Variants in SH3BP4 observed in about 807,000 individuals in gnomAD.
SH3BP4 encodes SH3 domain binding protein 4.
Under a neutral mutation model 65.5 loss-of-function variants are expected in SH3BP4, and 33 were observed. The ratio of observed to expected loss-of-function variants is 0.50; its 90% CI spans 0.38 to 0.67. SH3BP4 has a LOEUF of 0.67. SH3BP4 is among the 30% of genes least tolerant of loss of function. The pLI, the probability that SH3BP4 is intolerant of heterozygous loss-of-function variation, is 0.00. For missense variants in SH3BP4, 1,134 were observed against 1,261.4 expected (o/e 0.90, Z 1.53); for synonymous variants, 552 against 545.5 (o/e 1.01, Z -0.17).
Position 235,034,746 on chromosome 2 carries a change from G to A in SH3BP4, c.-132-125G>A, listed in dbSNP as rs1695318115. 1 of 459,124 alleles carries A rather than the reference G, an allele frequency of 2.2e-6. No homozygotes were observed. The highest frequency in any genetic ancestry group is 4.0e-6 in the Non-Finnish European group (1 of 251,656). 28.4% of individuals were successfully genotyped at this position (459,124 alleles called of 1,614,324 possible). A position where few individuals can be genotyped will look rare whatever the true frequency, so the allele number is the denominator to read the frequency against. On this transcript the variant is annotated intron_variant, in intron 2 of 5. Transcript: ENST00000392011. This position sits in a 1 kb window ranked among gnomAD's most constrained non-coding sequence, Gnocchi z 6.2. ...TGCTCTGCTCTGTTGGGCCAGGAAA[G>A]ATGAAATGGGTCTGTCCTCATTAGA...
rs543164187 is a variant in SH3BP4, at chr2:235,028,358, C to T, written c.-132-6513C>T. 3.9e-5 allele frequency among the ~76,000 whole-genome samples: 6 copies of T among 152,170 alleles called. No homozygotes were observed. The South Asian group carries it at 1.0e-3, about 26-fold the overall frequency. ...ACGGTGGTCAAGCTTGTTGGGCTGT[C>T]CAGGTAAACCCGAGGTGCCCACCAA... is the stretch of plus-strand genomic sequence containing the variant. On this transcript the variant is annotated intron_variant, in intron 2 of 5. Transcript: ENST00000392011.
chr2:234,986,369 G>A (rs1389626571), intron 1 of SH3BP4, among the ~76,000 whole-genome samples: 1 of 152,202 alleles, frequency 6.6e-6, no homozygotes, highest in Admixed American at 6.5e-5. Flanking sequence ...AGGTTTATTA[G>A]GGGGACAAAA....
chr2:234,980,726 G>A (rs1411582984), intron 1 of SH3BP4, among the ~76,000 whole-genome samples: 2 of 152,026 alleles, frequency 1.3e-5, no homozygotes, highest in East Asian at 3.9e-4. Context: ...AATATTGTCC[G>A]CCTTTTTTTC....
chr2:234,952,126 G>T lies in SH3BP4; in HGVS notation c.-251G>T. On this transcript the variant is annotated 5_prime_UTR_variant, in exon 1 of 6. Transcript: ENST00000392011. This position sits in a 1 kb window ranked among gnomAD's most constrained non-coding sequence, Gnocchi z 6.5. ...CCCCGGCTGGGCCGAGCCGCTGGCCGACGAGCGGAGCCTCAGGAGCCGGCG... is the reference window on the plus strand; with the variant it reads ...CCCCGGCTGGGCCGAGCCGCTGGCCTACGAGCGGAGCCTCAGGAGCCGGCG... 6.7e-6 allele frequency: 1 copy of T among 149,020 alleles called. No individual in the cohort carries two copies. Among genetic ancestry groups the T allele is most frequent in the South Asian group, 1.8e-4 (1 of 5,512 alleles). 9.2% of individuals were successfully genotyped at this position (149,020 alleles called of 1,614,324 possible).
Position 235,046,746 on chromosome 2 carries a change from GA to G in SH3BP4, c.2478+3501del, listed in dbSNP as rs1695872469. The stretch of plus-strand genomic sequence containing the variant: ...ATGAATGAATGATGGATGAATGAAT[GA>G]ATGATGAATGAATGAATGAATGAAT... On this transcript the variant is annotated intron_variant, in intron 4 of 5. Coordinates refer to ENST00000392011, the MANE Select transcript of SH3BP4 (RefSeq NM_014521.3). This position sits in a 1 kb window ranked among gnomAD's most constrained non-coding sequence, Gnocchi z 4.2. Among the ~76,000 whole-genome samples the G allele has an allele frequency of 1.3e-5, 2 of 148,212 alleles. No individual in the cohort carries two copies. Among genetic ancestry groups the G allele is most frequent in the South Asian group, 2.1e-4 (1 of 4,714 alleles).
At chr2:234,983,855 C>T (rs937624671) in intron 1 of SH3BP4, among the ~76,000 whole-genome samples, 4 of 152,238 alleles carry the variant, frequency 2.6e-5, no homozygotes, top group Non-Finnish European at 5.9e-5. Context: ...CTCACCCCCT[C>T]GGAGCCTCCA....
intron 2 of SH3BP4, among the ~76,000 whole-genome samples, chr2:235,024,501 G>A (rs945555683): frequency 1.3e-5 from 2 of 152,168 alleles, no homozygotes; most frequent in African/African-American, 4.8e-5. Context: ...GACATGGCAT[G>A]TGTGTGTCAC....
At chr2:235,039,922 G>A (rs908621238) in intron 3 of SH3BP4, among the ~76,000 whole-genome samples, 11 of 152,184 alleles carry the variant, frequency 7.2e-5, no homozygotes, top group African/African-American at 2.7e-4. Flanking sequence ...TTTTCATGTT[G>A]TGATTTTGAA....
In SH3BP4 at chr2:235,035,895, G is replaced by A. The variant is rs186851499; in HGVS notation, c.118+775G>A. On this transcript the variant is annotated intron_variant, in intron 3 of 5. Coordinates refer to ENST00000392011, the MANE Select transcript of SH3BP4 (RefSeq NM_014521.3). The surrounding 1 kb of genome is among the most constrained non-coding windows in gnomAD (Gnocchi z 5.0). ...TGCTCCTTTGGGGCTTGGCAGTTGC[G>A]GTGACAGCACCATCATCATCAATAT... is the stretch of plus-strand genomic sequence containing the variant. Among the ~76,000 whole-genome samples, 389 of 152,278 alleles carry A rather than the reference G, an allele frequency of 2.6e-3. 2 individuals are homozygous for A. The highest frequency in any genetic ancestry group is 9.0e-3 in the African/African-American group (374 of 41,570).
rs1214016615 is a variant in SH3BP4 at position 235,006,556 on chromosome 2, AGGGCCTGTGCTCTCAG to A, written c.-133+11198_-133+11213del. Among the ~76,000 whole-genome samples the A allele has an allele frequency of 5.3e-5, 8 of 152,196 alleles. No homozygotes were observed. The South Asian group carries it at 8.3e-4, about 16-fold the overall frequency. On this transcript the variant is annotated intron_variant, in intron 2 of 5. Transcript: ENST00000392011. ...CAGAAGCAGAGGGCCTGTGCTCCCA[AGGGCCTGTGCTCTCAG>A]GGGCCTGTGCTCTCAGGAGTCTGTG...
At chr2:234,969,884 CTG>C (rs1229084928) in intron 1 of SH3BP4, among the ~76,000 whole-genome samples, 2 of 151,822 alleles carry the variant, frequency 1.3e-5, no homozygotes, top group Non-Finnish European at 2.9e-5. Context: ...CACACTCTCG[CTG>C]TCTCTCACAC....
chr2:235,031,692 C>T (rs1164013374), intron 2 of SH3BP4, among the ~76,000 whole-genome samples: 5 of 152,232 alleles, frequency 3.3e-5, no homozygotes, highest in African/African-American at 1.2e-4. Context: ...AGGCCTTCCA[C>T]AGGCCTCTGG....
intron 1 of SH3BP4, chr2:234,979,358 A>C (rs1693278277): frequency 6.6e-6 from 1 of 152,180 alleles, no homozygotes; most frequent in Non-Finnish European, 1.5e-5. Context: ...TGAATTTCGC[A>C]GTTGTCATTC....
rs1205789137 is a variant in SH3BP4, at chr2:235,026,991, C to T, written c.-132-7880C>T. Among the ~76,000 whole-genome samples the T allele has an allele frequency of 6.6e-6, 1 of 152,198 alleles. No homozygotes were observed. Among genetic ancestry groups the T allele is most frequent in the African/African-American group, 2.4e-5 (1 of 41,452 alleles). On this transcript the variant is annotated intron_variant, in intron 2 of 5. Coordinates refer to ENST00000392011, the MANE Select transcript of SH3BP4 (RefSeq NM_014521.3). The surrounding 1 kb of genome is among the most constrained non-coding windows in gnomAD (Gnocchi z 4.6). ...ATCAGGCACGTTCAGGGTGATATGA[C>T]GATAGACAGTGCTCCAGGAGCATTA...
At chr2:235,019,278 G>A (rs1010765140) in intron 2 of SH3BP4, among the ~76,000 whole-genome samples, 2 of 152,094 alleles carry the variant, frequency 1.3e-5, no homozygotes, top group African/African-American at 4.8e-5. Context: ...GGTGCACACA[G>A]CCGGGAGCAG....
chr2:235,008,190 C>T (rs527928510), intron 2 of SH3BP4, among the ~76,000 whole-genome samples: 1 of 152,236 alleles, frequency 6.6e-6, no homozygotes, highest in African/African-American at 2.4e-5. Flanking sequence ...GAGGGGCCAC[C>T]GCAGGATGTG....
chr2:235,027,128 T>C (rs867408474), intron 2 of SH3BP4, among the ~76,000 whole-genome samples: 84 of 152,348 alleles, frequency 5.5e-4, no homozygotes, highest in African/African-American at 1.9e-3. Flanking sequence ...GTCGTAGCCT[T>C]GCATTCCCTG....
At chr2:234,964,899 C>G (rs890653) in intron 1 of SH3BP4, among the ~76,000 whole-genome samples, 140,683 of 152,110 alleles carry the variant, frequency 0.92, 65,548 homozygotes, top group Non-Finnish European at 0.97. Context: ...CCATCATCGA[C>G]GCCTGGCAGG....
At chr2:235,051,781 G>A (rs1303656556) in intron 4 of SH3BP4, among the ~76,000 whole-genome samples, 1 of 152,002 alleles carries the variant, frequency 6.6e-6, no homozygotes, top group Non-Finnish European at 1.5e-5. Flanking sequence ...TCTCTAACTG[G>A]CCAATGTCAG....
Sources: allele counts gnomAD v4.1 joint callset (sites outside exome capture counted in the v4.1 genomes callset), GRCh38; gene constraint gnomAD v4.1.1; non-coding constraint Gnocchi (gnomAD v3.1); transcripts MANE v1.5; gene names NCBI Gene and HGNC (gene_info 2026-07-23, HGNC 2026-07-21).